Variants in RPA3 observed in about 807,000 individuals in gnomAD.
RPA3 encodes replication protein A 14 kDa subunit.
In RPA3, 24 loss-of-function variants were observed where a neutral mutation model predicts 13.7. The observed-to-expected ratio is 1.75, with a 90% CI of 1.27 to 2.46. The LOEUF (loss-of-function observed/expected upper bound fraction) is 2.46. Among genes scored for constraint, RPA3 ranks in the 30% most tolerant of loss-of-function variants. The probability of loss-of-function intolerance (pLI) is 0.00; values close to 1 mark genes in which losing one functional copy is unlikely to be tolerated. For missense variants in RPA3, 183 were observed against 151.0 expected, an observed-to-expected ratio of 1.21 and a Z score of -1.11; for synonymous variants, 59 against 51.2, an observed-to-expected ratio of 1.15 and a Z score of -0.65.
At chr7:7,663,450 T>C (rs9648616) in intron 4 of RPA3, among the ~76,000 whole-genome samples, 99,190 of 151,940 alleles carry the variant, frequency 0.65, 32,620 homozygotes, top group East Asian at 0.86. Context: ...CAGGCATCTG[T>C]ACCTCTTCCC....
chr7:7,640,622 G>C lies in RPA3; in HGVS notation c.-204C>G. The C allele has an allele frequency of 1.7e-6, 1 of 574,358 alleles. No individual in the cohort carries two copies. The highest frequency in any genetic ancestry group is 3.0e-4 in the Middle Eastern group (1 of 3,330). 35.6% of individuals were successfully genotyped at this position (574,358 alleles called of 1,614,324 possible). A position where few individuals can be genotyped will look rare whatever the true frequency, so the allele number is the denominator to read the frequency against. On this transcript the variant is annotated 5_prime_UTR_variant, in exon 5 of 8. Transcript: ENST00000223129. Reference sequence around the variant, plus strand: ...AAGGGGCTGGATGAGTCCGGAAGTGGAGATTGGCTGCTTAGTGACGCGCGG... The same window carrying C: ...AAGGGGCTGGATGAGTCCGGAAGTGCAGATTGGCTGCTTAGTGACGCGCGG...
chr7:7,717,362 T>G (rs979219982), intron 1 of RPA3, among the ~76,000 whole-genome samples: 12 of 152,166 alleles, frequency 7.9e-5, no homozygotes, highest in Non-Finnish European at 1.3e-4. Context: ...CAGCCTCCTG[T>G]TTCTTTCATC....
Position 7,640,593 on chromosome 7 carries a change from G to C in RPA3, c.-175C>G. 1.6e-6 allele frequency: 1 copy of C among 631,198 alleles called. No individual in the cohort carries two copies. 39.1% of individuals were successfully genotyped at this position (631,198 alleles called of 1,614,324 possible). ...CAATCGCGCTGTCTCTGAAAGGGGT[G>C]GAGAAGGGGCTGGATGAGTCCGGAA... On this transcript the variant is annotated 5_prime_UTR_variant, in exon 5 of 8. Transcript: ENST00000223129.
chr7:7,640,635 T>G lies in RPA3; in HGVS notation c.-217A>C. 1.8e-6 allele frequency: 1 copy of G among 553,332 alleles called. No homozygotes were observed. Among genetic ancestry groups the G allele is most frequent in the Non-Finnish European group, 3.2e-6 (1 of 310,846 alleles). The allele number at this position is 553,332 out of a possible 1,614,324, so 34.3% of individuals were successfully genotyped here. On this transcript the variant is annotated 5_prime_UTR_variant, in exon 5 of 8. Transcript: ENST00000223129. ...AGTCCGGAAGTGGAGATTGGCTGCT[T>G]AGTGACGCGCGGCGTCCCGGAAGTT...
In RPA3 at chr7:7,636,983, A is replaced by T; in HGVS notation, c.*17T>A. 1 of 1,562,882 alleles carries T rather than the reference A, an allele frequency of 6.4e-7. No homozygotes were observed. Among genetic ancestry groups the T allele is most frequent in the Non-Finnish European group, 8.8e-7 (1 of 1,135,032 alleles). On this transcript the variant is annotated 3_prime_UTR_variant, in exon 8 of 8. Transcript: ENST00000223129. ...TTTAATATAGCTCATTTACAATCGTATGAAAATCCATCAAGATCAATCATG... is the reference window on the plus strand; with the variant it reads ...TTTAATATAGCTCATTTACAATCGTTTGAAAATCCATCAAGATCAATCATG...
chr7:7,703,471 T>G (rs1448351513), intron 2 of RPA3, among the ~76,000 whole-genome samples: 1 of 152,206 alleles, frequency 6.6e-6, no homozygotes, highest in Non-Finnish European at 1.5e-5. Flanking sequence ...TAAATTTTAT[T>G]CATTGTGTGG....
intron 2 of RPA3, chr7:7,689,583 A>T (rs1780124566): frequency 6.6e-6 from 1 of 152,132 alleles, no homozygotes; most frequent in East Asian, 1.9e-4. Flanking sequence ...TCCCTGGATA[A>T]TCTTTTCTTG....
rs534442517 is a variant in RPA3, at chr7:7,655,203, GC to G, written c.-757-14029del. 3.7e-3 allele frequency among the ~76,000 whole-genome samples: 565 copies of G among 152,226 alleles called. 3 individuals carry two copies. Among genetic ancestry groups the G allele is most frequent in the Non-Finnish European group, 6.4e-3 (433 of 68,010 alleles). ...CTGCTCTCCATGGCAGACAGAGCCA[GC>G]CATTAAAAGTCATCCAGTCGTGGGA... On this transcript the variant is annotated intron_variant, in intron 4 of 7. Coordinates refer to ENST00000223129, the MANE Select transcript of RPA3 (RefSeq NM_002947.5).
chr7:7,662,671 T>A (rs1266196670), intron 4 of RPA3, among the ~76,000 whole-genome samples: 1 of 152,164 alleles, frequency 6.6e-6, no homozygotes, highest in African/African-American at 2.4e-5. Context: ...CCCAATGAGA[T>A]GAGCCGGGTA....
At chr7:7,668,896 T>C (rs1033113147) in intron 4 of RPA3, among the ~76,000 whole-genome samples, 13 of 152,240 alleles carry the variant, frequency 8.5e-5, no homozygotes, top group Admixed American at 4.6e-4. Flanking sequence ...AACCACTCTA[T>C]TGCAGGGCAC....
intron 2 of RPA3, among the ~76,000 whole-genome samples, chr7:7,698,893 C>T (rs1263352803): frequency 7.1e-6 from 1 of 140,106 alleles, no homozygotes; most frequent in Non-Finnish European, 1.5e-5. Context: ...TTTTTTGAGA[C>T]AGTCTCACCC....
rs1008453133 is a variant in RPA3, at chr7:7,640,675, G to A, written c.-257C>T. The A allele has an allele frequency of 4.3e-5, 21 of 486,012 alleles. No homozygotes were observed. The highest frequency in any genetic ancestry group is 2.5e-4 in the South Asian group (10 of 39,672). The allele number at this position is 486,012 out of a possible 1,614,324, so 30.1% of individuals were successfully genotyped here. On this transcript the variant is annotated 5_prime_UTR_variant, in exon 5 of 8. Transcript: ENST00000223129. ...TCCCGGAAGTTGACAGATACAGGGCGAGAGGCAGTGGAGGCGGGACTTGGA... is the reference window on the plus strand; with the variant it reads ...TCCCGGAAGTTGACAGATACAGGGCAAGAGGCAGTGGAGGCGGGACTTGGA...
intron 2 of RPA3, among the ~76,000 whole-genome samples, chr7:7,712,053 A>G (rs1318680751): frequency 6.6e-6 from 1 of 152,002 alleles, no homozygotes; most frequent in Non-Finnish European, 1.5e-5. Context: ...TTACATATAT[A>G]GTATCTTTGG....
At chr7:7,685,154 A>G (rs1267947738) in intron 4 of RPA3, among the ~76,000 whole-genome samples, 1 of 152,178 alleles carries the variant, frequency 6.6e-6, no homozygotes, top group Non-Finnish European at 1.5e-5. Flanking sequence ...AGTAATTCAT[A>G]TAGGGTTGGA....
In RPA3 at chr7:7,639,157, CAT is replaced by C; in HGVS notation, c.100-15_100-14del. 1 of 1,599,134 alleles carries C rather than the reference CAT, an allele frequency of 6.3e-7. No homozygotes were observed. Among genetic ancestry groups the C allele is most frequent in the Non-Finnish European group, 8.5e-7 (1 of 1,171,330 alleles). On this transcript the variant is annotated splice_polypyrimidine_tract_variant and intron_variant, in intron 5 of 7. Transcript: ENST00000223129. ...CGGTGGGATGAATCTAAAAACGAAA[CAT>C]ATAATTAAAATCTCACTAAAACAAC...
intron 4 of RPA3, among the ~76,000 whole-genome samples, chr7:7,657,656 G>C (rs1205234927): frequency 6.6e-6 from 1 of 152,078 alleles, no homozygotes; most frequent in Non-Finnish European, 1.5e-5. Flanking sequence ...GCTCTGTTCT[G>C]TTCCATTGGT....
chr7:7,666,734 A>G (rs774130697), intron 4 of RPA3, among the ~76,000 whole-genome samples: 58 of 152,170 alleles, frequency 3.8e-4, no homozygotes, highest in Middle Eastern at 6.8e-3. Context: ...TATCCTTTAT[A>G]TACATTATTT....
Position 7,640,474 on chromosome 7 carries a change from GC to G in RPA3, c.-57del. The G allele has an allele frequency of 2.0e-6, 3 of 1,538,032 alleles. No homozygotes were observed. The highest frequency in any genetic ancestry group is 2.7e-6 in the Non-Finnish European group (3 of 1,115,558). On this transcript the variant is annotated 5_prime_UTR_variant, in exon 5 of 8. Coordinates refer to ENST00000223129, the MANE Select transcript of RPA3 (RefSeq NM_002947.5). ...AACCCACGGACGACTGAAACTGTGC[GC>G]CCCGCGGGTGTCTATGGGGCAGATT... is the stretch of plus-strand genomic sequence containing the variant.
chr7:7,714,820 A>G (rs905153981), intron 2 of RPA3, among the ~76,000 whole-genome samples: 2 of 110,636 alleles, frequency 1.8e-5, no homozygotes, highest in Admixed American at 8.3e-5. Context: ...TAATTTTTTT[A>G]TTTCCTCATG....
Sources: gnomAD v4.1 joint callset for allele counts (sites outside exome capture counted in the v4.1 genomes callset) on GRCh38, gnomAD v4.1.1 for gene constraint, MANE v1.5 for transcripts, NCBI Gene and HGNC (gene_info 2026-07-23, HGNC 2026-07-21) for gene names.